CHST9: variants seen among roughly 807,000 people sequenced by gnomAD.
CHST9 encodes carbohydrate sulfotransferase 9, also known as GalNAc-4-sulfotransferase 2.
CHST9 carries 41 observed loss-of-function variants against 44.4 expected under a neutral mutation model. The ratio of observed to expected loss-of-function variants is 0.92; its 90% CI spans 0.72 to 1.20. CHST9 has a LOEUF of 1.20. Among genes scored for constraint, CHST9 ranks in the 50% most tolerant of loss-of-function variants. The pLI is 0.00. For missense variants in CHST9, 504 were observed against 516.5 expected (o/e 0.98, Z 0.23); for synonymous variants, 171 against 178.4 (o/e 0.96, Z 0.33).
intron 2 of CHST9, among the ~76,000 whole-genome samples, chr18:27,077,838 AAAAGAGG>A (rs1305498015): frequency 1.3e-5 from 2 of 152,164 alleles, no homozygotes; most frequent in African/African-American, 4.8e-5. Context: ...ATCTATAAAG[AAAAGAGG>A]TTTAATTGGC....
At chr18:27,026,806 C>T (rs1254723855) in intron 3 of CHST9, among the ~76,000 whole-genome samples, 1 of 152,150 alleles carries the variant, frequency 6.6e-6, no homozygotes, top group Non-Finnish European at 1.5e-5. Flanking sequence ...GAGTTTAAAC[C>T]TCACATCCAG....
chr18:27,090,963 T>A (rs2058062650), intron 2 of CHST9, among the ~76,000 whole-genome samples: 2 of 152,186 alleles, frequency 1.3e-5, no homozygotes, highest in African/African-American at 4.8e-5. Context: ...TTAATGTAGT[T>A]TTTTTCCAAA....
chr18:26,911,299 A>G lies in CHST9; in HGVS notation c.*4960T>C, dbSNP rs1295634533. ...ACAGACACAGTTCCTTTCCTCTTGG[A>G]AGACCTAAGACATTCCAATGACAAC... On this transcript the variant is annotated 3_prime_UTR_variant, in exon 6 of 6. Coordinates refer to ENST00000618847, the MANE Select transcript of CHST9 (RefSeq NM_031422.6). The G allele has an allele frequency of 6.6e-6, 1 of 152,224 alleles. No homozygotes were observed. The highest frequency in any genetic ancestry group is 1.5e-5 in the Non-Finnish European group (1 of 68,036). 9.4% of individuals were successfully genotyped at this position (152,224 alleles called of 1,614,324 possible). A position where few individuals can be genotyped will look rare whatever the true frequency, so the allele number is the denominator to read the frequency against.
intron 1 of CHST9, among the ~76,000 whole-genome samples, chr18:27,152,885 A>G (rs9646563): frequency 6.6e-6 from 1 of 151,916 alleles, no homozygotes; most frequent in Admixed American, 6.6e-5. Context: ...ATGAGCTAAG[A>G]TAACTATGGA....
intron 3 of CHST9, among the ~76,000 whole-genome samples, chr18:27,033,904 G>C (rs1631920): frequency 6.6e-6 from 1 of 152,150 alleles, no homozygotes; most frequent in Non-Finnish European, 1.5e-5. Flanking sequence ...GTGGCACTCA[G>C]TCACTCAAAT....
chr18:27,081,377 G>A lies in CHST9; in HGVS notation c.122-32874C>T, dbSNP rs1598707538. Among the ~76,000 whole-genome samples the A allele has an allele frequency of 3.3e-5, 5 of 152,190 alleles. No homozygotes were observed. In the South Asian group the frequency reaches 1.0e-3, roughly 32 times the overall value. ...AAAAAGAAGAAAAGAAAAGAAAAAA[G>A]AATCAACATCAGACGAAGGCTGCAG... On this transcript the variant is annotated intron_variant, in intron 2 of 5. Transcript: ENST00000618847.
chr18:27,170,773 G>C (rs572644793), intron 1 of CHST9, among the ~76,000 whole-genome samples: 12 of 152,272 alleles, frequency 7.9e-5, no homozygotes, highest in African/African-American at 2.9e-4. Flanking sequence ...GCTAAATCGT[G>C]TAAAATCTAG....
chr18:27,138,345 G>A (rs938781053), intron 2 of CHST9, among the ~76,000 whole-genome samples: 1 of 152,094 alleles, frequency 6.6e-6, no homozygotes, highest in African/African-American at 2.4e-5. Flanking sequence ...GCCCATGGAG[G>A]CAGCTTGTAT....
chr18:26,965,772 T>C (rs1430714507), intron 4 of CHST9, among the ~76,000 whole-genome samples: 1 of 152,204 alleles, frequency 6.6e-6, no homozygotes, highest in Non-Finnish European at 1.5e-5. Context: ...GAAGATCTTA[T>C]ACTAGTAGCA....
chr18:27,011,230 T>A (rs982241100), intron 4 of CHST9, among the ~76,000 whole-genome samples: 3 of 152,214 alleles, frequency 2.0e-5, no homozygotes, highest in African/African-American at 7.2e-5. Flanking sequence ...TTAATTTATT[T>A]AAATTTCTAT....
At chr18:27,150,459 A>G (rs1281760867) in intron 1 of CHST9, among the ~76,000 whole-genome samples, 3 of 152,182 alleles carry the variant, frequency 2.0e-5, no homozygotes, top group African/African-American at 7.2e-5. Context: ...CTTGTCTTCA[A>G]TCAATGAGCC....
At chr18:27,171,915 G>A (rs1390176879) in intron 1 of CHST9, among the ~76,000 whole-genome samples, 1 of 152,018 alleles carries the variant, frequency 6.6e-6, no homozygotes, top group African/African-American at 2.4e-5. Flanking sequence ...ACTCTCCATT[G>A]TTTTACTTGT....
intron 4 of CHST9, among the ~76,000 whole-genome samples, chr18:27,008,671 A>G (rs2057046169): frequency 6.6e-6 from 1 of 151,956 alleles, no homozygotes; most frequent in South Asian, 2.1e-4. Context: ...TTGCGAGGCT[A>G]GGAGGCAGTC....
chr18:27,043,290 CA>C (rs1482281636), intron 3 of CHST9, among the ~76,000 whole-genome samples: 7 of 152,036 alleles, frequency 4.6e-5, no homozygotes, highest in Non-Finnish European at 2.9e-5. Context: ...ACTTAAAAGG[CA>C]AATCTGCATC....
At chr18:27,076,804 G>C (rs1269062246) in intron 2 of CHST9, among the ~76,000 whole-genome samples, 6 of 152,188 alleles carry the variant, frequency 3.9e-5, no homozygotes, top group Non-Finnish European at 8.8e-5. Flanking sequence ...GCTTAGGACA[G>C]AGGTTGTTCC....
chr18:27,165,310 GA>G (rs1490084717), intron 1 of CHST9, among the ~76,000 whole-genome samples: 1 of 152,104 alleles, frequency 6.6e-6, no homozygotes, highest in Non-Finnish European at 1.5e-5. Flanking sequence ...TGCAGAAAAG[GA>G]AAAAATTAGA....
chr18:26,916,205 G>C lies in CHST9; in HGVS notation c.*54C>G. 7.7e-7 allele frequency: 1 copy of C among 1,298,524 alleles called. No individual in the cohort carries two copies. The highest frequency in any genetic ancestry group is 1.5e-5 in the South Asian group (1 of 68,324). The allele number at this position is 1,298,524 out of a possible 1,614,324, so 80.4% of individuals were successfully genotyped here. A position where few individuals can be genotyped will look rare whatever the true frequency, so the allele number is the denominator to read the frequency against. ...AGAGAATTATAGAAAAATTACAGCT[G>C]ATTTGAACTTATCATCATTAAGTAT... On this transcript the variant is annotated 3_prime_UTR_variant, in exon 6 of 6. Coordinates refer to ENST00000618847, the MANE Select transcript of CHST9 (RefSeq NM_031422.6).
chr18:27,083,912 TTTTAG>T (rs1374892967), intron 2 of CHST9, among the ~76,000 whole-genome samples: 1 of 152,094 alleles, frequency 6.6e-6, no homozygotes, highest in East Asian at 1.9e-4. Context: ...TAGTCTGTGG[TTTTAG>T]TTCTGTTTGT....
At chr18:26,980,699 T>C (rs1234302437) in intron 4 of CHST9, among the ~76,000 whole-genome samples, 1 of 152,162 alleles carries the variant, frequency 6.6e-6, no homozygotes, top group African/African-American at 2.4e-5. Flanking sequence ...CAAGCAGTCC[T>C]ATCAGTGCTA....
Sources: allele counts gnomAD v4.1 joint callset (sites outside exome capture counted in the v4.1 genomes callset), GRCh38; gene constraint gnomAD v4.1.1; transcripts MANE v1.5; gene names NCBI Gene and HGNC (gene_info 2026-07-23, HGNC 2026-07-21).